The following FRAS1 variants were observed in gnomAD, a reference collection of about 807,000 sequenced individuals.
FRAS1 encodes the protein Fraser extracellular matrix complex subunit 1.
Under a neutral mutation model 435.2 loss-of-function variants are expected in FRAS1, and 290 were observed. The ratio of observed to expected loss-of-function variants is 0.67; its 90% CI spans 0.61 to 0.73. The LOEUF (loss-of-function observed/expected upper bound fraction) is 0.73, where lower values mean the gene tolerates loss of function less well. Among genes scored for constraint, FRAS1 ranks in the 30% least tolerant of loss-of-function variants. The pLI is 0.00. For missense variants in FRAS1, 4,860 were observed against 5,001.5 expected (o/e 0.97, Z 0.85); for synonymous variants, 1,800 against 1,851.0 (o/e 0.97, Z 0.71).
intron 2 of FRAS1, among the ~76,000 whole-genome samples, chr4:78,178,581 G>C (rs1399963289): frequency 2.0e-5 from 3 of 152,164 alleles, no homozygotes; most frequent in Non-Finnish European, 4.4e-5. Flanking sequence ...ACTAATGTCT[G>C]AGCAGCTGAG....
chr4:78,441,016 C>T, intron 40 of FRAS1, 146 bp from the exon 41 acceptor site: 1 of 681,024 alleles, frequency 1.5e-6, no homozygotes, highest in South Asian at 1.9e-5. Flanking sequence ...ATACACATTC[C>T]TCATCTCGTC....
chr4:78,426,490 G>C (rs980642769), intron 35 of FRAS1, among the ~76,000 whole-genome samples: 1 of 152,122 alleles, frequency 6.6e-6, no homozygotes, highest in African/African-American at 2.4e-5. Flanking sequence ...AGTTTTGTGA[G>C]AGAGAATTTT....
In FRAS1 at chr4:78,430,391, C is replaced by A; in HGVS notation, c.4943C>A (p.Ala1648Asp). 6.2e-7 allele frequency: 1 copy of A among 1,613,514 alleles called. No individual in the cohort carries two copies. The highest frequency in any genetic ancestry group is 8.5e-7 in the Non-Finnish European group (1 of 1,179,674). ...PQHGVLLKHT[A>D]EFRRPMATGD... ...CATGGTGTGCTTCTTAAGCATACAG[C>A]TGAGTTCCGAAGGCCGATGGCCACA... Residue 1648 changes from alanine to aspartate, a missense_variant, in exon 37 of 74, where the codon GCT becomes GAT. By Grantham distance (126) the Ala-to-Asp change is moderately radical. Coordinates refer to ENST00000512123, the MANE Select transcript of FRAS1 (RefSeq NM_025074.7).
rs1057015094 is a variant in FRAS1 at position 78,307,312 on chromosome 4, C to CT, written c.1535-750dup. Among the ~76,000 whole-genome samples the CT allele has an allele frequency of 3.0e-3, 450 of 152,168 alleles. 6 individuals are homozygous for CT. The highest frequency in any genetic ancestry group is 9.9e-3 in the African/African-American group (411 of 41,538). Reference sequence around the variant, plus strand: ...TTAAGTCTGCAGAGGTTATTGCTGTCTTTTGTTTGTCTGTGCCCTGCCCCC... The same window carrying CT: ...TTAAGTCTGCAGAGGTTATTGCTGTCTTTTTGTTTGTCTGTGCCCTGCCCCC... On this transcript the variant is annotated intron_variant, in intron 14 of 73. Coordinates refer to ENST00000512123, the MANE Select transcript of FRAS1 (RefSeq NM_025074.7).
At chr4:78,371,482 TGCC>T (rs1339350529) in intron 23 of FRAS1, among the ~76,000 whole-genome samples, 1 of 152,230 alleles carries the variant, frequency 6.6e-6, no homozygotes, top group African/African-American at 2.4e-5. Context: ...TGTTACTATA[TGCC>T]AGGCACTGTG....
chr4:78,312,258 T>C (rs77881378), intron 15 of FRAS1, among the ~76,000 whole-genome samples: 7,532 of 150,142 alleles, frequency 0.05, 386 homozygotes, highest in East Asian at 0.3. Flanking sequence ...TTTCCCAACA[T>C]TGTTTAGTAA....
At chr4:78,397,950 C>A (rs962229479) in intron 29 of FRAS1, among the ~76,000 whole-genome samples, 1 of 151,822 alleles carries the variant, frequency 6.6e-6, no homozygotes, top group Non-Finnish European at 1.5e-5. Flanking sequence ...CTCTTCAATG[C>A]ATCTATTGTT....
At chr4:78,088,609 G>T (rs1429057794) in intron 2 of FRAS1, among the ~76,000 whole-genome samples, 1 of 152,166 alleles carries the variant, frequency 6.6e-6, no homozygotes, top group Non-Finnish European at 1.5e-5. Flanking sequence ...CCATCAAAAA[G>T]TGGGCAAAGG....
At chr4:78,526,153 G>C (rs2109898241) in intron 69 of FRAS1, among the ~76,000 whole-genome samples, 1 of 152,266 alleles carries the variant, frequency 6.6e-6, no homozygotes. Flanking sequence ...GGAATGCATT[G>C]AATAGGGTAT....
intron 56 of FRAS1, among the ~76,000 whole-genome samples, chr4:78,481,408 A>T (rs1720006820): frequency 6.6e-6 from 1 of 152,226 alleles, no homozygotes; most frequent in South Asian, 2.1e-4. Context: ...ATTTTCTGAC[A>T]CATCCCTGAG....
At chr4:78,077,299 A>G (rs1740687415) in intron 2 of FRAS1, among the ~76,000 whole-genome samples, 1 of 152,130 alleles carries the variant, frequency 6.6e-6, no homozygotes, top group African/African-American at 2.4e-5. Context: ...GATCCCCGGA[A>G]GTCAAGGCTT....
At chr4:78,375,634 C>A in intron 25 of FRAS1, 105 bp from the exon 26 acceptor site, 1 of 921,492 alleles carries the variant, frequency 1.1e-6, no homozygotes, top group South Asian at 2.0e-5. Context: ...ACAGTTGGGG[C>A]TCATTTGTTG....
At chr4:78,468,111 C>T (rs1214308056) in intron 50 of FRAS1, among the ~76,000 whole-genome samples, 1 of 152,112 alleles carries the variant, frequency 6.6e-6, no homozygotes, top group Non-Finnish European at 1.5e-5. Context: ...ACTTTGGTTT[C>T]CTGTGCTTCT....
chr4:78,290,027 C>T (rs538280899), intron 14 of FRAS1, among the ~76,000 whole-genome samples: 6 of 152,272 alleles, frequency 3.9e-5, no homozygotes, highest in African/African-American at 1.4e-4. Flanking sequence ...TGTCTTGCCC[C>T]TCTGTTCAAT....
intron 18 of FRAS1, among the ~76,000 whole-genome samples, chr4:78,325,819 G>T (rs1270509409): frequency 3.9e-5 from 6 of 152,198 alleles, no homozygotes; most frequent in Non-Finnish European, 2.9e-5. Flanking sequence ...AGTGAGGAAA[G>T]ATTTGTAGAG....
At chr4:78,472,415 T>C in intron 52 of FRAS1, 85 bp downstream of exon 52, 2 of 1,234,630 alleles carry the variant, frequency 1.6e-6, no homozygotes, top group East Asian at 2.6e-5. Context: ...TCACAGCCAC[T>C]TCCAGCTACT....
chr4:78,325,371 C>T (rs901053545), intron 18 of FRAS1, among the ~76,000 whole-genome samples: 1 of 152,188 alleles, frequency 6.6e-6, no homozygotes, highest in African/African-American at 2.4e-5. Context: ...TGCTAAGACT[C>T]ACCAAAGGCC....
chr4:78,317,153 T>C (rs182784695), intron 16 of FRAS1, among the ~76,000 whole-genome samples: 2 of 152,254 alleles, frequency 1.3e-5, no homozygotes, highest in Admixed American at 1.3e-4. Flanking sequence ...AAATAAAGGG[T>C]AGCTAATAAG....
chr4:78,244,582 C>G lies in FRAS1; in HGVS notation c.217-651C>G, dbSNP rs575459002. Among the ~76,000 whole-genome samples the G allele has an allele frequency of 2.0e-4, 30 of 152,254 alleles. 2 individuals carry two copies. The East Asian group carries it at 5.4e-3, about 27-fold the overall frequency. ...TGATTGGATGGTTGACATGTGACAC[C>G]TCCCCAGTAAATCTTGGGGTATCAG... On this transcript the variant is annotated intron_variant, in intron 3 of 73. Coordinates refer to ENST00000512123, the MANE Select transcript of FRAS1 (RefSeq NM_025074.7).
Sources: allele counts gnomAD v4.1 joint callset (sites outside exome capture counted in the v4.1 genomes callset), GRCh38; gene constraint gnomAD v4.1.1; transcripts MANE v1.5; gene names NCBI Gene and HGNC (gene_info 2026-07-23, HGNC 2026-07-21).